SGMS1: variants seen among roughly 807,000 people sequenced by gnomAD.
SGMS1 encodes phosphatidylcholine:ceramide cholinephosphotransferase 1.
A neutral mutation model predicts 46.2 loss-of-function variants in SGMS1; 13 were observed. That is an observed-to-expected ratio of 0.28 (90% CI 0.18 to 0.45). The LOEUF is 0.45. Ranked by LOEUF, SGMS1 falls within the 20% of genes least tolerant of loss-of-function variation. SGMS1 has a pLI of 1.00. For synonymous variants in SGMS1, 203 were observed against 187.8 expected (o/e 1.08, Z -0.66); for missense variants, 324 against 519.9 (o/e 0.62, Z 3.66).
intron 3 of SGMS1, among the ~76,000 whole-genome samples, chr10:50,500,839 T>A (rs2133756101): frequency 6.6e-6 from 1 of 152,374 alleles, no homozygotes; most frequent in African/African-American, 2.4e-5. Context: ...TTAGGTTTAT[T>A]AGCTCAGGAA....
intron 1 of SGMS1, among the ~76,000 whole-genome samples, chr10:50,615,411 T>G (rs939220930): frequency 6.6e-6 from 1 of 152,208 alleles, no homozygotes; most frequent in African/African-American, 2.4e-5. Flanking sequence ...AATGTTAATA[T>G]AGTCCCCACA....
At chr10:50,603,610 A>G (rs1838668446) in intron 1 of SGMS1, among the ~76,000 whole-genome samples, 1 of 152,216 alleles carries the variant, frequency 6.6e-6, no homozygotes, top group African/African-American at 2.4e-5. Context: ...ATGGTAACTC[A>G]AGGCAACAAA....
At chr10:50,308,367 T>C (rs1847206654) in intron 9 of SGMS1, among the ~76,000 whole-genome samples, 1 of 152,186 alleles carries the variant, frequency 6.6e-6, no homozygotes, top group South Asian at 2.1e-4. Flanking sequence ...TCATATTTGG[T>C]TCTTACTTGA....
intron 8 of SGMS1, among the ~76,000 whole-genome samples, chr10:50,311,908 AT>A (rs1195696817): frequency 1.3e-5 from 2 of 152,182 alleles, no homozygotes; most frequent in Non-Finnish European, 2.9e-5. Flanking sequence ...TGGTATGTGG[AT>A]GTTCAGGGAT....
chr10:50,481,630 CACA>C (rs1184129717), intron 3 of SGMS1, among the ~76,000 whole-genome samples: 2 of 152,154 alleles, frequency 1.3e-5, no homozygotes, highest in Non-Finnish European at 2.9e-5. Context: ...TCCAAATGAT[CACA>C]ACAACTCTCC....
chr10:50,479,340 C>T (rs1408176486), intron 3 of SGMS1, among the ~76,000 whole-genome samples: 5 of 152,114 alleles, frequency 3.3e-5, no homozygotes, highest in Non-Finnish European at 7.4e-5. Flanking sequence ...CATTCATGCA[C>T]TAACTCACTG....
At chr10:50,488,102 C>T (rs997878764) in intron 3 of SGMS1, among the ~76,000 whole-genome samples, 4 of 151,900 alleles carry the variant, frequency 2.6e-5, no homozygotes, top group African/African-American at 9.7e-5. Flanking sequence ...CAACCTCTGC[C>T]TCCTGGGTTC....
chr10:50,374,504 AACCAATC>A (rs1848494248), intron 6 of SGMS1, among the ~76,000 whole-genome samples: 1 of 150,468 alleles, frequency 6.6e-6, no homozygotes, highest in East Asian at 2.0e-4. Context: ...TATATCCAGA[AACCAATC>A]ACCTCTAACA....
intron 6 of SGMS1, among the ~76,000 whole-genome samples, chr10:50,367,020 A>C (rs1319807660): frequency 2.0e-5 from 3 of 152,220 alleles, no homozygotes; most frequent in African/African-American, 7.2e-5. Flanking sequence ...TGCAGCCAAT[A>C]AACATATGAA....
At chr10:50,498,477 T>A (rs1837634826) in intron 3 of SGMS1, among the ~76,000 whole-genome samples, 1 of 152,138 alleles carries the variant, frequency 6.6e-6, no homozygotes, top group Non-Finnish European at 1.5e-5. Context: ...AAACAGTAAC[T>A]CCCCTCTCAG....
At chr10:50,455,177 C>T (rs1023777430) in intron 5 of SGMS1, among the ~76,000 whole-genome samples, 2 of 152,182 alleles carry the variant, frequency 1.3e-5, no homozygotes, top group African/African-American at 2.4e-5. Context: ...GGCTGCAGCA[C>T]TGCACAATTC....
At chr10:50,482,371 A>G (rs1837484425) in intron 3 of SGMS1, among the ~76,000 whole-genome samples, 1 of 152,238 alleles carries the variant, frequency 6.6e-6, no homozygotes, top group Non-Finnish European at 1.5e-5. Flanking sequence ...ATTATTCAAC[A>G]TTCTTAAAGA....
chr10:50,610,332 A>T (rs1057405191), intron 1 of SGMS1, among the ~76,000 whole-genome samples: 1 of 152,194 alleles, frequency 6.6e-6, no homozygotes, highest in Non-Finnish European at 1.5e-5. Flanking sequence ...TTTCATAAAA[A>T]ATGGGCCTTT....
intron 2 of SGMS1, among the ~76,000 whole-genome samples, chr10:50,555,803 T>C (rs900662765): frequency 6.6e-6 from 1 of 152,180 alleles, no homozygotes; most frequent in Admixed American, 6.5e-5. Context: ...AATCAGCATT[T>C]CAGCAAGGGT....
At chr10:50,415,806 C>T (rs897647666) in intron 6 of SGMS1, among the ~76,000 whole-genome samples, 6 of 152,088 alleles carry the variant, frequency 3.9e-5, no homozygotes, top group African/African-American at 1.2e-4. Context: ...ACAGGTTCAA[C>T]GCTAATCTAG....
At chr10:50,589,090 C>T (rs897482190) in intron 2 of SGMS1, among the ~76,000 whole-genome samples, 4 of 152,042 alleles carry the variant, frequency 2.6e-5, no homozygotes, top group South Asian at 2.1e-4. Context: ...GATCCACTGA[C>T]CTAACCATGA....
intron 2 of SGMS1, among the ~76,000 whole-genome samples, chr10:50,580,181 G>C (rs907932231): frequency 9.2e-5 from 14 of 151,992 alleles, no homozygotes; most frequent in African/African-American, 2.9e-4. Flanking sequence ...GATAAGAAAT[G>C]GGGGAGGAGG....
chr10:50,339,856 T>A (rs959365851), intron 7 of SGMS1, among the ~76,000 whole-genome samples: 1 of 151,662 alleles, frequency 6.6e-6, no homozygotes, highest in Admixed American at 6.6e-5. Context: ...AACTGTGGAG[T>A]GGAGTAGCTA....
intron 6 of SGMS1, among the ~76,000 whole-genome samples, chr10:50,406,498 C>A (rs759437703): frequency 1.4e-4 from 21 of 152,162 alleles, no homozygotes; most frequent in Non-Finnish European, 2.8e-4. Context: ...ACTGCTCTGC[C>A]ATGCAGTGAA....
Sources: gnomAD v4.1 joint callset for allele counts (sites outside exome capture counted in the v4.1 genomes callset) on GRCh38, gnomAD v4.1.1 for gene constraint, MANE v1.5 for transcripts, NCBI Gene and HGNC (gene_info 2026-07-23, HGNC 2026-07-21) for gene names.